Variants in CMTM7 observed in about 807,000 individuals in gnomAD.
CMTM7 encodes CKLF-like MARVEL transmembrane domain-containing protein 7.
In CMTM7, 7 loss-of-function variants were observed where a neutral mutation model predicts 19.3. The ratio of observed to expected loss-of-function variants is 0.36; its 90% CI spans 0.21 to 0.68. The LOEUF is 0.68. Ranked by LOEUF, CMTM7 falls within the 30% of genes least tolerant of loss-of-function variation. The pLI, the probability that CMTM7 is intolerant of heterozygous loss-of-function variation, is 0.60. For missense variants in CMTM7, 193 were observed against 232.6 expected, an observed-to-expected ratio of 0.83 and a Z score of 1.11; for synonymous variants, 87 against 99.3, an observed-to-expected ratio of 0.88 and a Z score of 0.74.
chr3:32,414,654 T>C (rs670744), intron 1 of CMTM7, among the ~76,000 whole-genome samples: 63,839 of 152,036 alleles, frequency 0.42, 13,681 homozygotes, highest in South Asian at 0.48. Flanking sequence ...CCAGAAAATT[T>C]AGCTAAGGAA....
chr3:32,420,385 A>G (rs1164137571), intron 1 of CMTM7, among the ~76,000 whole-genome samples: 2 of 152,236 alleles, frequency 1.3e-5, no homozygotes, highest in African/African-American at 2.4e-5. Context: ...GGGAGTGGCC[A>G]GGTTCCAGCC....
chr3:32,422,502 C>T (rs17029455), intron 1 of CMTM7, among the ~76,000 whole-genome samples: 2 of 152,192 alleles, frequency 1.3e-5, no homozygotes, highest in African/African-American at 4.8e-5. Context: ...AAATGGCAAC[C>T]AGTGCCGTCT....
At chr3:32,439,107 C>T (rs1411126963) in intron 1 of CMTM7, among the ~76,000 whole-genome samples, 1 of 152,150 alleles carries the variant, frequency 6.6e-6, no homozygotes, top group African/African-American at 2.4e-5. Context: ...AAAGCCCTGG[C>T]GATCATGCAC....
intron 1 of CMTM7, among the ~76,000 whole-genome samples, chr3:32,404,142 C>CT (rs11364371): frequency 5.5e-5 from 6 of 109,228 alleles, no homozygotes; most frequent in African/African-American, 2.1e-4. Flanking sequence ...TTCTTTCTTT[C>CT]TTTTTTTTTC....
chr3:32,453,559 A>G (rs377212707), intron 4 of CMTM7, among the ~76,000 whole-genome samples: 2 of 152,292 alleles, frequency 1.3e-5, no homozygotes, highest in East Asian at 1.9e-4. Flanking sequence ...CTTTGAGGGC[A>G]TTACTCATGG....
At chr3:32,420,802 G>A (rs1696332166) in intron 1 of CMTM7, among the ~76,000 whole-genome samples, 1 of 152,208 alleles carries the variant, frequency 6.6e-6, no homozygotes, top group Non-Finnish European at 1.5e-5. Context: ...CAGGAGAGGG[G>A]GCCAGCTAAT....
chr3:32,412,908 A>G (rs56078421), intron 1 of CMTM7, among the ~76,000 whole-genome samples: 8,196 of 152,246 alleles, frequency 0.054, 279 homozygotes, highest in East Asian at 0.11. Context: ...AATATGTACA[A>G]TCATCTAAGT....
intron 1 of CMTM7, among the ~76,000 whole-genome samples, chr3:32,406,470 C>T (rs1559402265): frequency 6.6e-6 from 1 of 152,184 alleles, no homozygotes; most frequent in Admixed American, 6.5e-5. Flanking sequence ...TCCCAGCGGG[C>T]TTTAGGGGTC....
At chr3:32,426,014 G>C (rs768531176) in intron 1 of CMTM7, among the ~76,000 whole-genome samples, 1 of 152,134 alleles carries the variant, frequency 6.6e-6, no homozygotes, top group African/African-American at 2.4e-5. Flanking sequence ...GCATGGTGGC[G>C]CACGCCTATA....
At chr3:32,426,917 C>T (rs147982802) in intron 1 of CMTM7, among the ~76,000 whole-genome samples, 33 of 152,310 alleles carry the variant, frequency 2.2e-4, no homozygotes, top group African/African-American at 6.3e-4. Context: ...TATTTCACTA[C>T]TTATTATATA....
Position 32,441,982 on chromosome 3 carries a change from G to A in CMTM7, c.302G>A (p.Arg101His), listed in dbSNP as rs117098616. 1.8e-4 allele frequency: 296 copies of A among 1,614,108 alleles called. No individual in the cohort carries two copies. In the East Asian group the frequency reaches 2.7e-3, roughly 15 times the overall value. Reference sequence around the variant, plus strand: ...CTGGTCCACCTCTTCCGCTTCTACCGCGTGCTCACCTGTATCAGCTGGCCC... The same window carrying A: ...CTGGTCCACCTCTTCCGCTTCTACCACGTGCTCACCTGTATCAGCTGGCCC... ...FYLVHLFRFY[R>H]VLTCISWPLS... The change falls in exon 2 of 5, where the codon CGC (arginine) becomes CAC (histidine). Residue 101 changes from arginine (R) to histidine (H), a missense_variant. By Grantham distance (29) the Arg-to-His change is conservative. Transcript: ENST00000334983.
chr3:32,397,357 C>T (rs1326986438), intron 1 of CMTM7, among the ~76,000 whole-genome samples: 1 of 149,846 alleles, frequency 6.7e-6, no homozygotes, highest in East Asian at 2.0e-4. Context: ...AAAAGCAGAA[C>T]CTATTCTTAA....
intron 1 of CMTM7, among the ~76,000 whole-genome samples, chr3:32,409,474 A>G (rs1334801976): frequency 6.6e-6 from 1 of 152,244 alleles, no homozygotes; most frequent in Non-Finnish European, 1.5e-5. Flanking sequence ...AATGATACAA[A>G]TGCTATTAAC....
At chr3:32,399,569 TGG>T (rs1391858661) in intron 1 of CMTM7, among the ~76,000 whole-genome samples, 1 of 152,138 alleles carries the variant, frequency 6.6e-6, no homozygotes, top group Non-Finnish European at 1.5e-5. Flanking sequence ...AATTCAGCTG[TGG>T]GGGATGTCAG....
intron 1 of CMTM7, among the ~76,000 whole-genome samples, chr3:32,427,762 A>T (rs1271701605): frequency 6.6e-6 from 1 of 152,188 alleles, no homozygotes; most frequent in Non-Finnish European, 1.5e-5. Context: ...AGTCTATTTC[A>T]ATTTGGACAT....
intron 1 of CMTM7, among the ~76,000 whole-genome samples, chr3:32,400,327 T>G (rs866586398): frequency 6.6e-6 from 1 of 151,142 alleles, no homozygotes; most frequent in Non-Finnish European, 1.5e-5. Context: ...GCTGGTGGTG[T>G]TTTTCTTTAA....
At chr3:32,452,230 C>T in intron 3 of CMTM7, 162 bp from the exon 4 acceptor site, 1 of 1,527,222 alleles carries the variant, frequency 6.5e-7, no homozygotes, top group South Asian at 1.2e-5. Flanking sequence ...GGCTTCCTCT[C>T]TGCACCTGAT....
intron 1 of CMTM7, among the ~76,000 whole-genome samples, chr3:32,404,278 A>G (rs772467882): frequency 1.2e-4 from 18 of 149,714 alleles, no homozygotes; most frequent in Non-Finnish European, 1.6e-4. Context: ...ATCTTGCTTC[A>G]GCCTCCTGAG....
intron 1 of CMTM7, among the ~76,000 whole-genome samples, chr3:32,405,540 T>G (rs542727692): frequency 6.6e-6 from 1 of 152,314 alleles, no homozygotes; most frequent in African/African-American, 2.4e-5. Context: ...ACCATATCCC[T>G]ATGAGATGTT....
Sources: allele counts gnomAD v4.1 joint callset (sites outside exome capture counted in the v4.1 genomes callset), GRCh38; gene constraint gnomAD v4.1.1; transcripts MANE v1.5; gene names NCBI Gene and HGNC (gene_info 2026-07-23, HGNC 2026-07-21).